AOPEP: variants seen among roughly 807,000 people sequenced by gnomAD.
AOPEP encodes aminopeptidase O.
In AOPEP, 77 loss-of-function variants were observed where a neutral mutation model predicts 98.1. The observed-to-expected ratio is 0.78, with a 90% CI of 0.65 to 0.95. The LOEUF is 0.95. AOPEP is among the 40% of genes least tolerant of loss of function. The probability of loss-of-function intolerance (pLI) is 0.00; values close to 1 mark genes in which losing one functional copy is unlikely to be tolerated. For missense variants in AOPEP, 1,024 were observed against 1,024.7 expected, an observed-to-expected ratio of 1.00 and a Z score of 0.01; for synonymous variants, 346 against 365.3, an observed-to-expected ratio of 0.95 and a Z score of 0.60.
At chr9:94,922,014 G>A (rs1468858087) in intron 5 of AOPEP, among the ~76,000 whole-genome samples, 2 of 152,090 alleles carry the variant, frequency 1.3e-5, no homozygotes, top group Non-Finnish European at 2.9e-5. Flanking sequence ...GACTGAGGCC[G>A]GGGTCGTGTC....
the AOPEP span, among the ~76,000 whole-genome samples, chr9:95,098,379 AC>A: frequency 1.3e-5 from 2 of 152,080 alleles, no homozygotes; most frequent in African/African-American, 4.8e-5. Flanking sequence ...ACCTTGTCCC[AC>A]CACTTAGACA....
intron 4 of AOPEP, 51 bp from the exon 5 acceptor site, chr9:94,800,706 C>T (rs1229069024): frequency 3.7e-6 from 6 of 1,602,398 alleles, no homozygotes; most frequent in African/African-American, 1.3e-5. Flanking sequence ...GCCTCACCTC[C>T]ACAGCAAGAA....
At chr9:95,093,451 T>C in the AOPEP span, among the ~76,000 whole-genome samples, 2 of 152,200 alleles carry the variant, frequency 1.3e-5, no homozygotes, top group Non-Finnish European at 2.9e-5. Flanking sequence ...AAGTTACAGA[T>C]GGTGCCTGGC....
At chr9:94,811,532 C>G (rs1052391175) in intron 5 of AOPEP, among the ~76,000 whole-genome samples, 1 of 152,244 alleles carries the variant, frequency 6.6e-6, no homozygotes, top group Non-Finnish European at 1.5e-5. Flanking sequence ...TCTACCACAG[C>G]TGCCCCCCAC....
intron 13 of AOPEP, among the ~76,000 whole-genome samples, chr9:95,007,276 C>G (rs898270979): frequency 1.1e-4 from 17 of 151,714 alleles, no homozygotes; most frequent in Admixed American, 1.1e-3. Context: ...AAGCCATTAT[C>G]TTTGTGGATT....
At chr9:94,806,611 A>G (rs926136629) in intron 5 of AOPEP, among the ~76,000 whole-genome samples, 4 of 152,046 alleles carry the variant, frequency 2.6e-5, no homozygotes, top group Non-Finnish European at 5.9e-5. Context: ...TTTTATTTCA[A>G]TTATCCTTCT....
At chr9:94,996,502 C>T (rs2061255115) in intron 11 of AOPEP, among the ~76,000 whole-genome samples, 3 of 152,124 alleles carry the variant, frequency 2.0e-5, no homozygotes, top group Admixed American at 2.0e-4. Context: ...ACAAGCCACA[C>T]AGTCTGAGTG....
At chr9:95,023,648 G>A (rs1387038768) in intron 13 of AOPEP, among the ~76,000 whole-genome samples, 1 of 152,220 alleles carries the variant, frequency 6.6e-6, no homozygotes, top group Non-Finnish European at 1.5e-5. Context: ...AGCAACTGAA[G>A]AATTCCAGAA....
intron 14 of AOPEP, among the ~76,000 whole-genome samples, chr9:95,068,067 T>G (rs2068094747): frequency 6.6e-6 from 1 of 152,226 alleles, no homozygotes; most frequent in African/African-American, 2.4e-5. Flanking sequence ...GGATGGCATT[T>G]GTTGATCCAC....
chr9:95,126,216 T>G, the AOPEP span, among the ~76,000 whole-genome samples: 1 of 152,226 alleles, frequency 6.6e-6, no homozygotes, highest in African/African-American at 2.4e-5. Context: ...CTACCCTTTA[T>G]TCTGAGCTGA....
intron 5 of AOPEP, among the ~76,000 whole-genome samples, chr9:94,910,928 T>C (rs1040247486): frequency 6.6e-6 from 1 of 152,210 alleles, no homozygotes; most frequent in African/African-American, 2.4e-5. Flanking sequence ...TGATGTTATG[T>C]TTACCTAATA....
chr9:95,124,369 T>C, the AOPEP span, among the ~76,000 whole-genome samples: 1 of 152,252 alleles, frequency 6.6e-6, no homozygotes, highest in Admixed American at 6.5e-5. Context: ...TGCTGAAAGG[T>C]GAAAGCTCGC....
chr9:94,870,876 C>G (rs2046264407), intron 5 of AOPEP, among the ~76,000 whole-genome samples: 1 of 152,246 alleles, frequency 6.6e-6, no homozygotes, highest in Non-Finnish European at 1.5e-5. Context: ...TACTTGAGGT[C>G]TGTCTGTGTC....
At chr9:94,945,139 C>T (rs139487130) in intron 7 of AOPEP, among the ~76,000 whole-genome samples, 12 of 152,130 alleles carry the variant, frequency 7.9e-5, no homozygotes, top group Non-Finnish European at 1.2e-4. Context: ...ATAACAACCC[C>T]GTGGAATGAT....
chr9:94,846,564 CA>C (rs1412233313), intron 5 of AOPEP, among the ~76,000 whole-genome samples: 1 of 152,168 alleles, frequency 6.6e-6, no homozygotes, highest in Non-Finnish European at 1.5e-5. Context: ...TTTAAGGGAA[CA>C]GTCTATCAGA....
chr9:95,135,259 A>G, the AOPEP span: 486 of 1,314,432 alleles, frequency 3.7e-4, 3 homozygotes, highest in East Asian at 3.2e-3. Context: ...TTTTGTTTAC[A>G]TCCCCCCCTT....
chr9:95,023,814 C>A (rs777469368), intron 13 of AOPEP, among the ~76,000 whole-genome samples: 1 of 152,164 alleles, frequency 6.6e-6, no homozygotes, highest in Non-Finnish European at 1.5e-5. Flanking sequence ...CACTTAGTCA[C>A]AGAAGAAATG....
rs1264948718 is a variant in AOPEP, at chr9:94,980,318, G to T, written c.1977+891G>T. 6.6e-6 allele frequency among the ~76,000 whole-genome samples: 1 copy of T among 152,262 alleles called. No individual in the cohort carries two copies. Among genetic ancestry groups the T allele is most frequent in the Admixed American group, 6.5e-5 (1 of 15,294 alleles). On this transcript the variant is annotated intron_variant, in intron 11 of 16. Transcript: ENST00000375315. The surrounding 1 kb of genome is among the most constrained non-coding windows in gnomAD (Gnocchi z 4.3). Reference sequence around the variant, plus strand: ...GTCTGGGGCAGCCCCCAGAGCGGCTGCAGGCTGGGCCTGACCCAGGGTCAT... The same window carrying T: ...GTCTGGGGCAGCCCCCAGAGCGGCTTCAGGCTGGGCCTGACCCAGGGTCAT...
rs199783216 is a variant in AOPEP at position 94,805,503 on chromosome 9, A to T, written c.1364+4501A>T. 8.4e-3 allele frequency among the ~76,000 whole-genome samples: 1,237 copies of T among 147,266 alleles called. 25 individuals are homozygous for T. Among genetic ancestry groups the T allele is most frequent in the East Asian group, 0.061 (313 of 5,116 alleles). On this transcript the variant is annotated intron_variant, in intron 5 of 16. Transcript: ENST00000375315. ...TTTTTTGTTTTTTGTTTTTTTTTTTAAAAAAAGCAACAACAACTGAATGAA... is the reference window on the plus strand; with the variant it reads ...TTTTTTGTTTTTTGTTTTTTTTTTTTAAAAAAGCAACAACAACTGAATGAA...
Sources: allele counts gnomAD v4.1 joint callset (sites outside exome capture counted in the v4.1 genomes callset), GRCh38; gene constraint gnomAD v4.1.1; non-coding constraint Gnocchi (gnomAD v3.1); transcripts MANE v1.5; gene names NCBI Gene and HGNC (gene_info 2026-07-23, HGNC 2026-07-21).